Variants in CASP8 observed in about 807,000 individuals in gnomAD.
CASP8 encodes the protein caspase 8.
Under a neutral mutation model 46.3 loss-of-function variants are expected in CASP8, and 24 were observed. That is an observed-to-expected ratio of 0.52 (90% CI 0.38 to 0.73). CASP8 has a LOEUF of 0.73. Among genes scored for constraint, CASP8 ranks in the 30% least tolerant of loss-of-function variants. The pLI is 0.00. For missense variants in CASP8, 460 were observed against 559.0 expected (o/e 0.82, Z 1.79); for synonymous variants, 188 against 200.4 (o/e 0.94, Z 0.52).
At chr2:201,263,543 TATATTTGG>T (rs1446980378) in intron 1 of CASP8, among the ~76,000 whole-genome samples, 1 of 152,230 alleles carries the variant, frequency 6.6e-6, no homozygotes, top group Non-Finnish European at 1.5e-5. Flanking sequence ...ACTGGGCATT[TATATTTGG>T]ATGGTGGAAT....
chr2:201,269,024 C>CACCT (rs1397147295), intron 2 of CASP8, among the ~76,000 whole-genome samples: 15 of 151,634 alleles, frequency 9.9e-5, no homozygotes, highest in Admixed American at 9.9e-4. Flanking sequence ...GTGCAACCTC[C>CACCT]ACCTCCTGGG....
intron 2 of CASP8, among the ~76,000 whole-genome samples, chr2:201,253,415 G>A (rs924855273): frequency 5.0e-5 from 7 of 140,444 alleles, no homozygotes; most frequent in Admixed American, 1.6e-4. Flanking sequence ...TTTCTTCAAC[G>A]TCTTCCTGTC....
At chr2:201,252,156 T>C (rs1946815788) in intron 2 of CASP8, among the ~76,000 whole-genome samples, 2 of 152,208 alleles carry the variant, frequency 1.3e-5, no homozygotes, top group Admixed American at 1.3e-4. Flanking sequence ...CATCTGTATA[T>C]GTTTTTGGTG....
intron 1 of CASP8, among the ~76,000 whole-genome samples, chr2:201,262,910 C>G (rs1947526424): frequency 1.3e-5 from 2 of 152,192 alleles, no homozygotes; most frequent in African/African-American, 4.8e-5. Context: ...AAACAAAAAA[C>G]AGAAAAGGCT....
chr2:201,279,341 C>T (rs941663134), intron 7 of CASP8, among the ~76,000 whole-genome samples: 1 of 152,216 alleles, frequency 6.6e-6, no homozygotes, highest in Non-Finnish European at 1.5e-5. Flanking sequence ...AAGCATTTTA[C>T]TGAACACAGA....
At chr2:201,234,176 C>T (rs1945941631) in intron 2 of CASP8, 2 of 152,362 alleles carry the variant, frequency 1.3e-5, no homozygotes, top group Non-Finnish European at 2.9e-5. Flanking sequence ...ATTACTGTTC[C>T]CTATCTAGAC....
Position 201,249,542 on chromosome 2 carries a change from A to G in CASP8, c.-27+15430A>G, listed in dbSNP as rs183135716. On this transcript the variant is annotated intron_variant, in intron 2 of 6. Transcript: ENST00000264274. ...ATCTTTTTGTGAGGTGTCTGTTCAG[A>G]CCTCTTGCCCACTTTTCAATCGGGT... 3.2e-3 allele frequency among the ~76,000 whole-genome samples: 483 copies of G among 152,246 alleles called. 3 individuals are homozygous for G. Among genetic ancestry groups the G allele is most frequent in the African/African-American group, 0.011 (469 of 41,540 alleles).
At chr2:201,258,258 G>T, upstream of CASP8, 2 of 1,606,874 alleles carry the variant, frequency 1.2e-6, no homozygotes, top group East Asian at 2.2e-5. Flanking sequence ...GAGCCAGGGT[G>T]GTTATTGAAA....
chr2:201,268,046 C>T lies in CASP8; in HGVS notation c.305+1255C>T, dbSNP rs36010999. 8.5e-4 allele frequency among the ~76,000 whole-genome samples: 129 copies of T among 152,310 alleles called. 3 individuals are homozygous for T. In the East Asian group the frequency reaches 0.022, roughly 26 times the overall value. On this transcript the variant is annotated intron_variant, in intron 2 of 8. Coordinates refer to ENST00000673742, the MANE Select transcript of CASP8 (RefSeq NM_001372051.1). ...GGTTCAAGTGATTCTTCTGCCTCAG[C>T]CTCCTGAGTAGCTGGGATTACAGGT...
intron 2 of CASP8, among the ~76,000 whole-genome samples, chr2:201,268,516 A>G (rs944517565): frequency 9.9e-5 from 15 of 151,990 alleles, no homozygotes; most frequent in Admixed American, 9.2e-4. Flanking sequence ...ATGCCATTGC[A>G]CTCCAGCCTG....
At chr2:201,253,323 T>TTTTA (rs1946870353) in intron 2 of CASP8, among the ~76,000 whole-genome samples, 1 of 116,422 alleles carries the variant, frequency 8.6e-6, no homozygotes, top group Non-Finnish European at 1.6e-5. Context: ...TTTTTTTTTT[T>TTTTA]AAGAAACAGT....
Position 201,276,959 on chromosome 2 carries a change from T to G in CASP8, c.793T>G (p.Leu265Val). Residue 265 changes from leucine (L) to valine (V), a missense_variant, in exon 7 of 9, where the codon TTG (leucine) becomes GTG (valine). By Grantham distance (32) the Leu-to-Val change is conservative (BLOSUM62 1). Coordinates refer to ENST00000673742, the MANE Select transcript of CASP8 (RefSeq NM_001372051.1). Reference protein sequence around the residue: ...HSIRDRNGTHLDAGALTTTFE... With the variant: ...HSIRDRNGTHVDAGALTTTFE... ...CATTAGGGACAGGAATGGAACACACTTGGATGCAGGTACAGTAGAACCCAA... is the reference window on the plus strand; with the variant it reads ...CATTAGGGACAGGAATGGAACACACGTGGATGCAGGTACAGTAGAACCCAA... 6.2e-7 allele frequency: 1 copy of G among 1,612,626 alleles called. No individual in the cohort carries two copies. The highest frequency in any genetic ancestry group is 1.1e-5 in the South Asian group (1 of 91,052).
chr2:201,262,230 G>A (rs535277844), intron 1 of CASP8: 4 of 152,062 alleles, frequency 2.6e-5, no homozygotes, highest in Non-Finnish European at 1.5e-5. Context: ...TTTCCAAGCC[G>A]TGATTTTTCA....
At chr2:201,247,865 C>T (rs780742811) in intron 2 of CASP8, among the ~76,000 whole-genome samples, 13 of 152,258 alleles carry the variant, frequency 8.5e-5, no homozygotes, top group Middle Eastern at 3.4e-3. Context: ...AGGATAGTCT[C>T]GATCTCCTGA....
upstream of CASP8, chr2:201,257,998 T>C: frequency 7.7e-6 from 4 of 520,190 alleles, no homozygotes; most frequent in South Asian, 8.1e-5. Context: ...AAATTGGGCA[T>C]CTGTTCCTTT....
Position 201,287,145 on chromosome 2 carries a change from T to C in CASP8, c.*551T>C. The C allele has an allele frequency of 6.1e-6, 1 of 162,952 alleles. No homozygotes were observed. Among genetic ancestry groups the C allele is most frequent in the Non-Finnish European group, 1.4e-5 (1 of 72,912 alleles). 10.1% of individuals were successfully genotyped at this position (162,952 alleles called of 1,614,324 possible). ...AGCTATGAATATAGAGGGCTTATGA[T>C]TCAGATTGTTATCTATCAACTATAA... On this transcript the variant is annotated 3_prime_UTR_variant, in exon 9 of 9. Transcript: ENST00000673742.
In CASP8 at chr2:201,274,959, C is replaced by A. The variant is rs370400442; in HGVS notation, c.660+6C>A. On this transcript the variant is annotated splice_donor_region_variant and intron_variant, in intron 6 of 8. Transcript: ENST00000673742. ...AACAGGATAGTGAATCACAGGTAGACGGAAACCTCCAAATCCTTTTTTTTA... is the reference window on the plus strand; with the variant it reads ...AACAGGATAGTGAATCACAGGTAGAAGGAAACCTCCAAATCCTTTTTTTTA... The A allele has an allele frequency of 1.9e-6, 3 of 1,597,622 alleles. No individual in the cohort carries two copies. The highest frequency in any genetic ancestry group is 2.6e-6 in the Non-Finnish European group (3 of 1,166,064).
intron 2 of CASP8, chr2:201,242,544 T>C (rs1025127275): frequency 1.3e-5 from 2 of 152,148 alleles, no homozygotes; most frequent in Non-Finnish European, 2.9e-5. Flanking sequence ...CATCTCCAAA[T>C]ACCAACACAT....
At position 201,266,674 on chromosome 2, in the gene CASP8, A is replaced by G. The variant is rs1475914172; in HGVS notation, c.188A>G (p.Lys63Arg). 1 of 1,614,096 alleles carries G rather than the reference A, an allele frequency of 6.2e-7. No homozygotes were observed. The highest frequency in any genetic ancestry group is 1.1e-5 in the South Asian group (1 of 91,070). The stretch of plus-strand genomic sequence containing the variant: ...GAGGAAAGCAATCTGTCCTTCCTGA[A>G]GGAGCTGCTCTTCCGAATTAATAGA... ...MLEESNLSFL[K>R]ELLFRINRLD... The change falls in exon 2 of 9, where the codon AAG (lysine) becomes AGG (arginine). Residue 63 changes from lysine to arginine, a missense_variant. By Grantham distance (26) the Lys-to-Arg change is conservative (BLOSUM62 2). Coordinates refer to ENST00000673742, the MANE Select transcript of CASP8 (RefSeq NM_001372051.1). This position sits in a 1 kb window ranked among gnomAD's most constrained non-coding sequence, Gnocchi z 5.7.
Sources: allele counts gnomAD v4.1 joint callset (sites outside exome capture counted in the v4.1 genomes callset), GRCh38; gene constraint gnomAD v4.1.1; non-coding constraint Gnocchi (gnomAD v3.1); transcripts MANE v1.5; gene names NCBI Gene and HGNC (gene_info 2026-07-23, HGNC 2026-07-21).